PRRG1: variants seen among roughly 807,000 people sequenced by gnomAD.
The protein encoded by PRRG1 is proline rich and Gla domain 1.
In PRRG1, 5 loss-of-function variants were observed where a neutral mutation model predicts 11.8. The observed-to-expected ratio is 0.42, with a 90% confidence interval of 0.22 to 0.89. The LOEUF (loss-of-function observed/expected upper bound fraction) is 0.89. Among genes scored for constraint, PRRG1 ranks in the 40% least tolerant of loss-of-function variants. The probability of loss-of-function intolerance (pLI) is 0.28; values close to 1 mark genes in which losing one functional copy is unlikely to be tolerated. For synonymous variants in PRRG1, 66 were observed against 60.4 expected, an observed-to-expected ratio of 1.09 and a Z score of -0.43; for missense variants, 155 against 166.1, an observed-to-expected ratio of 0.93 and a Z score of 0.37.
chrX:37,378,507 A>G (rs1556373013), intron 1 of PRRG1, among the ~76,000 whole-genome samples: 1 of 111,942 alleles, frequency 8.9e-6, no homozygotes, highest in African/African-American at 3.2e-5. Flanking sequence ...TTTCCTTGAT[A>G]GTTAAAACTG....
intron 1 of PRRG1, among the ~76,000 whole-genome samples, chrX:37,361,191 A>T: frequency 9.0e-6 from 1 of 110,850 alleles, no homozygotes; most frequent in Middle Eastern, 4.6e-3. Context: ...AAATACAGAA[A>T]ATTAGCCGGG....
chrX:37,371,875 G>A (rs781995456), intron 1 of PRRG1, among the ~76,000 whole-genome samples: 2 of 113,110 alleles, frequency 1.8e-5, no homozygotes, highest in South Asian at 3.6e-4. Context: ...AGTGTGAGCC[G>A]AGTGTAGCCT....
chrX:37,416,138 A>G (rs1556385129), intron 2 of PRRG1, among the ~76,000 whole-genome samples: 1 of 112,242 alleles, frequency 8.9e-6, no homozygotes, highest in African/African-American at 3.2e-5. Flanking sequence ...ATGAAACTCC[A>G]TTTCTTAAAT....
rs912545080 is a variant in PRRG1, at chrX:37,383,264, G to A, written c.-41-22945G>A. Among the ~76,000 whole-genome samples, 10 of 111,599 alleles carry A rather than the reference G, an allele frequency of 9.0e-5. 1 individual carries two copies. The highest frequency in any genetic ancestry group is 3.3e-4 in the African/African-American group (10 of 30,646). On this transcript the variant is annotated intron_variant, in intron 1 of 3. Transcript: ENST00000378628. ...TGTAGCTTTAACAATTTAATTTTTT[G>A]TTGAGACAAATTTCCTTTGAATAAT...
At chrX:37,415,251 A>G (rs1211670487) in intron 2 of PRRG1, among the ~76,000 whole-genome samples, 1 of 111,546 alleles carries the variant, frequency 9.0e-6, no homozygotes, top group Non-Finnish European at 1.9e-5. Context: ...TGTACTAAAA[A>G]TACAAAAATT....
chrX:37,416,088 T>G (rs1932486400), intron 2 of PRRG1, among the ~76,000 whole-genome samples: 1 of 112,264 alleles, frequency 8.9e-6, no homozygotes, highest in South Asian at 3.7e-4. Flanking sequence ...ATTTGTGAAA[T>G]TCATGTTAGT....
intron 1 of PRRG1, among the ~76,000 whole-genome samples, chrX:37,378,842 C>T (rs1273052019): frequency 9.1e-6 from 1 of 109,919 alleles, no homozygotes; most frequent in Non-Finnish European, 1.9e-5. Context: ...AAGAGTTATA[C>T]AGCCATTGAG....
chrX:37,446,978 C>T (rs1271719738), intron 3 of PRRG1, among the ~76,000 whole-genome samples: 1 of 111,439 alleles, frequency 9.0e-6, no homozygotes, highest in African/African-American at 3.3e-5. Flanking sequence ...TCAAACACCT[C>T]CCACTACAGC....
chrX:37,412,606 A>T (rs188266318), intron 2 of PRRG1, among the ~76,000 whole-genome samples: 2,277 of 110,941 alleles, frequency 0.021, 56 homozygotes, highest in African/African-American at 0.07. Flanking sequence ...TTTATTATAA[A>T]TTCTTATCTT....
At chrX:37,410,792 C>T (rs781864684) in intron 2 of PRRG1, among the ~76,000 whole-genome samples, 12 of 112,157 alleles carry the variant, frequency 1.1e-4, no homozygotes, top group African/African-American at 2.3e-4. Flanking sequence ...GGCCTGATGC[C>T]GCTTACCTGG....
In PRRG1 at chrX:37,354,401, T is replaced by A. The variant is rs185673087; in HGVS notation, c.-42+5006T>A. On this transcript the variant is annotated intron_variant, in intron 1 of 3. Transcript: ENST00000378628. ...TTTTTATTTTTATTTTTTTATTTTT[T>A]TTTTTTATTGGGACAGAGTCTCACT... is the stretch of plus-strand genomic sequence containing the variant. 2.6e-3 allele frequency among the ~76,000 whole-genome samples: 280 copies of A among 107,673 alleles called. 1 individual carries two copies. The South Asian group carries it at 0.04, about 15-fold the overall frequency. 93.5% of individuals were successfully genotyped at this position (107,673 alleles called of 115,157 possible).
intron 1 of PRRG1, among the ~76,000 whole-genome samples, chrX:37,376,551 G>GTGTATATATATATATA (rs1556372318): frequency 7.4e-5 from 2 of 26,911 alleles, no homozygotes; most frequent in Non-Finnish European, 1.9e-4. Context: ...AAATGTGAGT[G>GTGTATATATATATATA]TATATATATA....
chrX:37,434,732 A>G (rs1319774382), intron 3 of PRRG1, among the ~76,000 whole-genome samples: 2 of 111,853 alleles, frequency 1.8e-5, no homozygotes, highest in African/African-American at 6.5e-5. Flanking sequence ...AATATAATTT[A>G]TTCTAGTTTT....
chrX:37,388,769 T>C, intron 1 of PRRG1, among the ~76,000 whole-genome samples: 1 of 112,813 alleles, frequency 8.9e-6, no homozygotes. Flanking sequence ...GCTAATAGTA[T>C]TTGGTTTCTT....
At chrX:37,357,143 A>T (rs1044642041) in intron 1 of PRRG1, among the ~76,000 whole-genome samples, 1 of 111,425 alleles carries the variant, frequency 9.0e-6, no homozygotes, top group Non-Finnish European at 1.9e-5. Context: ...TCAAAATGTC[A>T]TATAGTTGGA....
chrX:37,416,811 A>G (rs1308323377), intron 2 of PRRG1, among the ~76,000 whole-genome samples: 2 of 112,329 alleles, frequency 1.8e-5, no homozygotes, highest in Admixed American at 1.9e-4. Context: ...CTTTTTGATA[A>G]GAAGTAGTTA....
Position 37,412,480 on chromosome X carries a change from A to G in PRRG1, c.10+6221A>G, listed in dbSNP as rs782126563. Among the ~76,000 whole-genome samples the G allele has an allele frequency of 2.7e-5, 3 of 111,895 alleles. No individual in the cohort carries two copies. In the East Asian group the frequency reaches 8.3e-4, roughly 31 times the overall value. On this transcript the variant is annotated intron_variant, in intron 2 of 3. Transcript: ENST00000378628. ...TAATTTTATTTGGCTTTATGGTTCA[A>G]GTGAAGTTATCCATTTAAAGTCAAT...
rs781945194 is a variant in PRRG1 at position 37,446,012 on chromosome X, C to T, written c.172-7124C>T. On this transcript the variant is annotated intron_variant, in intron 3 of 3. Coordinates refer to ENST00000378628, the MANE Select transcript of PRRG1 (RefSeq NM_001142395.2). ...CATTGTATAGTAACTTATCACAGGC[C>T]CTGAATTTACCTAAAGCCACCAAAT... is the stretch of plus-strand genomic sequence containing the variant. 1.2e-4 allele frequency among the ~76,000 whole-genome samples: 14 copies of T among 112,070 alleles called. No individual in the cohort carries two copies. The East Asian group carries it at 3.9e-3, about 31-fold the overall frequency.
At chrX:37,363,585 T>G (rs1401206182) in intron 1 of PRRG1, among the ~76,000 whole-genome samples, 1 of 112,248 alleles carries the variant, frequency 8.9e-6, no homozygotes, top group African/African-American at 3.2e-5. Flanking sequence ...CCACTATATC[T>G]TTCCATTAAA....
Sources: gnomAD v4.1 joint callset for allele counts (sites outside exome capture counted in the v4.1 genomes callset) on GRCh38, gnomAD v4.1.1 for gene constraint, MANE v1.5 for transcripts, NCBI Gene and HGNC (gene_info 2026-07-23, HGNC 2026-07-21) for gene names.